ARHGAP31: variants seen among roughly 807,000 people sequenced by gnomAD.
The protein encoded by ARHGAP31 is rho GTPase-activating protein 31.
ARHGAP31 carries 34 observed loss-of-function variants against 113.9 expected under a neutral mutation model. The observed-to-expected ratio is 0.30, with a 90% confidence interval of 0.23 to 0.40. The LOEUF is 0.40. Among genes scored for constraint, ARHGAP31 ranks in the 10% least tolerant of loss-of-function variants. The pLI is 1.00. For missense variants in ARHGAP31, 1,548 were observed against 1,767.1 expected (o/e 0.88, Z 2.22); for synonymous variants, 650 against 684.8 (o/e 0.95, Z 0.79).
chr3:119,337,428 C>A (rs764622094), intron 1 of ARHGAP31, among the ~76,000 whole-genome samples: 1 of 151,834 alleles, frequency 6.6e-6, no homozygotes, highest in African/African-American at 2.4e-5. Context: ...CTCATAAAGG[C>A]AGCACAGACC....
rs1008348048 is a variant in ARHGAP31, at chr3:119,356,106, G to A, written c.101-9210G>A. Among the ~76,000 whole-genome samples the A allele has an allele frequency of 1.3e-5, 2 of 152,132 alleles. 1 individual carries two copies. The highest frequency in any genetic ancestry group is 2.9e-5 in the Non-Finnish European group (2 of 68,010). On this transcript the variant is annotated intron_variant, in intron 1 of 11. Coordinates refer to ENST00000264245, the MANE Select transcript of ARHGAP31 (RefSeq NM_020754.4). Reference sequence around the variant, plus strand: ...AATATCTGCAGGATTAAATTTATTCGACAATTTTCTTCAGAAAAGGTAATA... The same window carrying A: ...AATATCTGCAGGATTAAATTTATTCAACAATTTTCTTCAGAAAAGGTAATA...
At chr3:119,379,025 T>C (rs766521241) in intron 3 of ARHGAP31, among the ~76,000 whole-genome samples, 7 of 152,184 alleles carry the variant, frequency 4.6e-5, no homozygotes, top group Non-Finnish European at 7.3e-5. Flanking sequence ...GATTCCCACA[T>C]AGAGAAGTTG....
At chr3:119,351,066 G>C (rs1006830344) in intron 1 of ARHGAP31, among the ~76,000 whole-genome samples, 2 of 152,204 alleles carry the variant, frequency 1.3e-5, no homozygotes, top group African/African-American at 4.8e-5. Flanking sequence ...TTCTAGCACA[G>C]ATGAAAGTCT....
intron 1 of ARHGAP31, among the ~76,000 whole-genome samples, chr3:119,330,683 G>T (rs1415468285): frequency 3.3e-5 from 5 of 152,198 alleles, no homozygotes; most frequent in Non-Finnish European, 7.3e-5. Flanking sequence ...AATGGAGATT[G>T]TCTCCAAGTG....
At position 119,366,958 on chromosome 3, in the gene ARHGAP31, C is replaced by G. The variant is rs139948087; in HGVS notation, c.204-1414C>G. 2.5e-4 allele frequency among the ~76,000 whole-genome samples: 38 copies of G among 151,954 alleles called. 2 individuals carry two copies. In the East Asian group the frequency reaches 7.2e-3, roughly 29 times the overall value. On this transcript the variant is annotated intron_variant, in intron 2 of 11. Coordinates refer to ENST00000264245, the MANE Select transcript of ARHGAP31 (RefSeq NM_020754.4). The stretch of plus-strand genomic sequence containing the variant: ...CTCTACTAAAAATACAAAAATTAGC[C>G]GGGTGTGGTGATGGGTGCCTGTAAT...
At chr3:119,303,427 C>G (rs924249360) in intron 1 of ARHGAP31, among the ~76,000 whole-genome samples, 1 of 152,184 alleles carries the variant, frequency 6.6e-6, no homozygotes, top group Non-Finnish European at 1.5e-5. Context: ...TGGTGTGAAC[C>G]ACATTCTTGG....
chr3:119,302,771 T>C (rs941960516), intron 1 of ARHGAP31, among the ~76,000 whole-genome samples: 1 of 152,228 alleles, frequency 6.6e-6, no homozygotes, highest in African/African-American at 2.4e-5. Context: ...TATCTTAGGA[T>C]AGCATATTTC....
intron 1 of ARHGAP31, among the ~76,000 whole-genome samples, chr3:119,323,884 A>AT (rs2079817076): frequency 6.6e-6 from 1 of 152,222 alleles, no homozygotes; most frequent in Admixed American, 6.5e-5. Context: ...GTTCACAATC[A>AT]GGCTGTTAAC....
At chr3:119,326,280 C>T (rs933529998) in intron 1 of ARHGAP31, among the ~76,000 whole-genome samples, 18 of 152,138 alleles carry the variant, frequency 1.2e-4, no homozygotes, top group African/African-American at 4.1e-4. Context: ...TACAGCGATG[C>T]TCAGATTTTT....
chr3:119,368,992 G>A (rs952833069), intron 3 of ARHGAP31, among the ~76,000 whole-genome samples: 2 of 152,160 alleles, frequency 1.3e-5, no homozygotes, highest in Non-Finnish European at 1.5e-5. Flanking sequence ...AGAGGTGTCA[G>A]AAAGCTGGGA....
Position 119,399,262 on chromosome 3 carries a change from G to GT in ARHGAP31, c.1069+2dup. ...TCACTATGTTCAGTGCCTGTGGAAG[G>GT]TAAGATTTTACAAGTAGTTTCTGAG... is the stretch of plus-strand genomic sequence containing the variant. On this transcript the variant is annotated splice_donor_variant, in intron 9 of 11. Transcript: ENST00000264245. LOFTEE classifies it high-confidence loss of function. The GT allele has an allele frequency of 1.2e-6, 2 of 1,612,266 alleles. No individual in the cohort carries two copies. Among genetic ancestry groups the GT allele is most frequent in the Non-Finnish European group, 1.7e-6 (2 of 1,178,298 alleles).
chr3:119,379,291 G>A (rs2080375532), intron 3 of ARHGAP31, among the ~76,000 whole-genome samples: 1 of 152,160 alleles, frequency 6.6e-6, no homozygotes, highest in African/African-American at 2.4e-5. Context: ...AGTGAGTCCT[G>A]TGGGGAAAAA....
In ARHGAP31 at chr3:119,416,497, GT is replaced by G; in HGVS notation, c.*235del. The G allele has an allele frequency of 1.7e-6, 1 of 579,978 alleles. No individual in the cohort carries two copies. The highest frequency in any genetic ancestry group is 3.0e-6 in the Non-Finnish European group (1 of 330,424). The allele number at this position is 579,978 out of a possible 1,614,324, so 35.9% of individuals were successfully genotyped here. On this transcript the variant is annotated 3_prime_UTR_variant, in exon 12 of 12. Transcript: ENST00000264245. Reference sequence around the variant, plus strand: ...AGTCTATGTGAGCAAGTGAGAGAAGGTTAGGTAAGGGGAGAGGATGGAATGC... The same window carrying G: ...AGTCTATGTGAGCAAGTGAGAGAAGGTAGGTAAGGGGAGAGGATGGAATGC...
rs572042493 is a variant in ARHGAP31 at position 119,408,415 on chromosome 3, G to A, written c.1646-1081G>A. On this transcript the variant is annotated intron_variant, in intron 10 of 11. Coordinates refer to ENST00000264245, the MANE Select transcript of ARHGAP31 (RefSeq NM_020754.4). Reference sequence around the variant, plus strand: ...ATCTGAGTTGCTGGGCTGGCCTTGCGGTGAGACACCTCAGAGTGAAGACAC... The same window carrying A: ...ATCTGAGTTGCTGGGCTGGCCTTGCAGTGAGACACCTCAGAGTGAAGACAC... 3.3e-5 allele frequency among the ~76,000 whole-genome samples: 5 copies of A among 152,314 alleles called. 1 individual carries two copies. In the South Asian group the frequency reaches 6.2e-4, roughly 19 times the overall value.
intron 2 of ARHGAP31, 118 bp from the exon 3 acceptor site, chr3:119,368,254 T>C: frequency 3.7e-6 from 5 of 1,339,566 alleles, no homozygotes; most frequent in Non-Finnish European, 5.3e-6. Context: ...TGAATTAAGG[T>C]CAAAAATATA....
chr3:119,399,692 A>G (rs1264635015), intron 9 of ARHGAP31, among the ~76,000 whole-genome samples: 1 of 152,176 alleles, frequency 6.6e-6, no homozygotes, highest in Non-Finnish European at 1.5e-5. Flanking sequence ...TTCGCTTCCT[A>G]GTTTTTGTGT....
At chr3:119,313,680 C>T (rs2079703828) in intron 1 of ARHGAP31, among the ~76,000 whole-genome samples, 1 of 152,224 alleles carries the variant, frequency 6.6e-6, no homozygotes, top group Admixed American at 6.5e-5. Context: ...GACTTAGAAG[C>T]TGTCTGGCCC....
intron 3 of ARHGAP31, among the ~76,000 whole-genome samples, chr3:119,373,320 A>C (rs2107626748): frequency 6.6e-6 from 1 of 152,330 alleles, no homozygotes; most frequent in East Asian, 1.9e-4. Flanking sequence ...AATTCCTAAA[A>C]AAAGAAATTG....
At chr3:119,303,012 C>A (rs1035739835) in intron 1 of ARHGAP31, among the ~76,000 whole-genome samples, 1 of 152,206 alleles carries the variant, frequency 6.6e-6, no homozygotes, top group Admixed American at 6.5e-5. Flanking sequence ...GCAGCCACAT[C>A]TTCTTCACCT....
Sources: allele counts gnomAD v4.1 joint callset (sites outside exome capture counted in the v4.1 genomes callset), GRCh38; gene constraint gnomAD v4.1.1; transcripts MANE v1.5; gene names NCBI Gene and HGNC (gene_info 2026-07-23, HGNC 2026-07-21).